The following HTR2C variants were observed in gnomAD, a reference collection of about 807,000 sequenced individuals.
HTR2C encodes the protein 5-hydroxytryptamine (serotonin) receptor 2C, G protein-coupled.
In HTR2C, 5 loss-of-function variants were observed where a neutral mutation model predicts 21.0. That is an observed-to-expected ratio of 0.24 (90% CI 0.12 to 0.50). The LOEUF is 0.50. Ranked by LOEUF, HTR2C falls within the 20% of genes least tolerant of loss-of-function variation. The pLI is 0.98. For missense variants in HTR2C, 271 were observed against 371.2 expected (o/e 0.73, Z 2.22); for synonymous variants, 150 against 145.3 (o/e 1.03, Z -0.23).
chrX:114,733,356 C>T (rs1039252205), intron 4 of HTR2C, among the ~76,000 whole-genome samples: 1 of 108,867 alleles, frequency 9.2e-6, no homozygotes. Flanking sequence ...GTTGCAGCAA[C>T]TCGAGATCAC....
At chrX:114,869,171 T>G (rs1380231500) in intron 5 of HTR2C, among the ~76,000 whole-genome samples, 2 of 111,809 alleles carry the variant, frequency 1.8e-5, no homozygotes, top group African/African-American at 6.5e-5. Context: ...GGACGTGAAC[T>G]CATCCTTTTT....
At chrX:114,687,584 A>G (rs1186661674) in intron 2 of HTR2C, among the ~76,000 whole-genome samples, 2 of 112,348 alleles carry the variant, frequency 1.8e-5, no homozygotes, top group Non-Finnish European at 3.8e-5. Context: ...ATAAAAATTA[A>G]CAGTTGACTT....
At chrX:114,633,932 G>GTATATATA (rs1332332101) in intron 2 of HTR2C, among the ~76,000 whole-genome samples, 8 of 89,430 alleles carry the variant, frequency 8.9e-5, no homozygotes, top group African/African-American at 3.3e-4. Flanking sequence ...ATATGCATGT[G>GTATATATA]TATATATATA....
chrX:114,593,721 C>T (rs1349119087), intron 1 of HTR2C, among the ~76,000 whole-genome samples: 1 of 111,040 alleles, frequency 9.0e-6, no homozygotes, highest in Non-Finnish European at 1.9e-5. Context: ...CTGTTATAAG[C>T]CTCTATGTCC....
At chrX:114,726,503 A>C (rs2147340949) in intron 2 of HTR2C, among the ~76,000 whole-genome samples, 1 of 112,592 alleles carries the variant, frequency 8.9e-6, no homozygotes, top group East Asian at 2.8e-4. Context: ...GGAGCTGTAG[A>C]CCGGAGCTGT....
At chrX:114,589,855 G>A (rs1927561835) in intron 1 of HTR2C, 2 of 318,738 alleles carry the variant, frequency 6.3e-6, no homozygotes, top group Admixed American at 3.2e-5. Flanking sequence ...GCAAATCTAA[G>A]AGAATGCTGC....
At chrX:114,822,225 A>C (rs920534674) in intron 4 of HTR2C, among the ~76,000 whole-genome samples, 3 of 111,766 alleles carry the variant, frequency 2.7e-5, no homozygotes, top group African/African-American at 9.7e-5. Context: ...ATAGTCAAAG[A>C]GATTTTACTT....
Position 114,725,139 on chromosome X carries a change from A to G in HTR2C, c.-79-1719A>G, listed in dbSNP as rs782039958. ...CCAACTTGGTTCCATTCTCCCTGTC[A>G]CTTTCAGGTACACCAATCAGAGGTA... is the stretch of plus-strand genomic sequence containing the variant. On this transcript the variant is annotated intron_variant, in intron 2 of 5. Coordinates refer to ENST00000276198, the MANE Select transcript of HTR2C (RefSeq NM_000868.4). Among the ~76,000 whole-genome samples, 10 of 110,985 alleles carry G rather than the reference A, an allele frequency of 9.0e-5. No homozygotes were observed. The South Asian group carries it at 3.9e-3, about 43-fold the overall frequency.
chrX:114,681,110 T>G (rs1931732076), intron 2 of HTR2C, among the ~76,000 whole-genome samples: 3 of 111,612 alleles, frequency 2.7e-5, no homozygotes, highest in Admixed American at 1.9e-4. Flanking sequence ...ATTACCAGCC[T>G]TATGCTTCAT....
intron 4 of HTR2C, among the ~76,000 whole-genome samples, chrX:114,782,855 T>C (rs1402444775): frequency 8.9e-6 from 1 of 111,958 alleles, no homozygotes; most frequent in Non-Finnish European, 1.9e-5. Flanking sequence ...AAGACACTTA[T>C]TAACTTCAGA....
At chrX:114,904,614 T>C (rs1186177084) in intron 5 of HTR2C, among the ~76,000 whole-genome samples, 2 of 112,053 alleles carry the variant, frequency 1.8e-5, no homozygotes, top group Non-Finnish European at 3.8e-5. Flanking sequence ...GATCCACATA[T>C]TATAATTACT....
At chrX:114,653,524 G>A (rs1930666800) in intron 2 of HTR2C, among the ~76,000 whole-genome samples, 1 of 110,311 alleles carries the variant, frequency 9.1e-6, no homozygotes, top group African/African-American at 3.3e-5. Flanking sequence ...GTGATATGCA[G>A]ATCACTTTGA....
chrX:114,733,221 A>T (rs1171408619), intron 4 of HTR2C, among the ~76,000 whole-genome samples: 1 of 110,046 alleles, frequency 9.1e-6, no homozygotes, highest in African/African-American at 3.3e-5. Context: ...CAGCCTGGCT[A>T]ACAGGGTGAA....
Position 114,906,322 on chromosome X carries a change from G to A in HTR2C, c.551-267G>A, listed in dbSNP as rs782491865. Among the ~76,000 whole-genome samples the A allele has an allele frequency of 1.9e-4, 21 of 111,641 alleles. No individual in the cohort carries two copies. The South Asian group carries it at 6.1e-3, about 32-fold the overall frequency. ...ACAATCCACCCTTTGACACAACCGT[G>A]TCTCTAATATAGTTAATATCAATAA... On this transcript the variant is annotated intron_variant, in intron 5 of 5. Transcript: ENST00000276198.
intron 2 of HTR2C, among the ~76,000 whole-genome samples, chrX:114,671,172 C>G (rs1188803712): frequency 1.8e-5 from 2 of 111,601 alleles, no homozygotes; most frequent in Non-Finnish European, 3.8e-5. Flanking sequence ...GATTAACATT[C>G]AAATTTTCAT....
At chrX:114,766,879 A>G (rs1236237259) in intron 4 of HTR2C, among the ~76,000 whole-genome samples, 1 of 110,999 alleles carries the variant, frequency 9.0e-6, no homozygotes, top group African/African-American at 3.3e-5. Flanking sequence ...CAATGCTCAT[A>G]TAACATTAAG....
At chrX:114,850,414 C>A (rs1245763271) in intron 5 of HTR2C, among the ~76,000 whole-genome samples, 11 of 110,268 alleles carry the variant, frequency 1.0e-4, no homozygotes, top group African/African-American at 3.6e-4. Context: ...GTCACACACA[C>A]AAAAAAAATT....
intron 2 of HTR2C, among the ~76,000 whole-genome samples, chrX:114,661,416 A>AAAAC (rs1556410164): frequency 2.8e-5 from 3 of 108,602 alleles, no homozygotes; most frequent in African/African-American, 1.0e-4. Flanking sequence ...AAAAAAAAAA[A>AAAAC]CTATAATATC....
chrX:114,800,460 C>T (rs1276419291), intron 4 of HTR2C, among the ~76,000 whole-genome samples: 2 of 111,377 alleles, frequency 1.8e-5, no homozygotes, highest in African/African-American at 6.5e-5. Context: ...ATCATCCTAT[C>T]TGAAGGACAT....
Sources: allele counts gnomAD v4.1 joint callset (sites outside exome capture counted in the v4.1 genomes callset), GRCh38; gene constraint gnomAD v4.1.1; transcripts MANE v1.5; gene names NCBI Gene and HGNC (gene_info 2026-07-23, HGNC 2026-07-21).